The following SPRED2 variants were observed in gnomAD, a reference collection of about 807,000 sequenced individuals.
SPRED2 encodes sprouty-related, EVH1 domain-containing protein 2.
A neutral mutation model predicts 43.0 loss-of-function variants in SPRED2; 47 were observed. The observed-to-expected ratio is 1.09, with a 90% CI of 0.87 to 1.40. SPRED2 has a LOEUF of 1.40. Among genes scored for constraint, SPRED2 ranks in the 40% most tolerant of loss-of-function variants. The pLI is 0.00. For missense variants in SPRED2, 561 were observed against 586.4 expected (o/e 0.96, Z 0.45); for synonymous variants, 225 against 225.7 (o/e 1.00, Z 0.03).
chr2:65,324,421 T>C (rs1471145966), intron 4 of SPRED2, among the ~76,000 whole-genome samples: 2 of 152,096 alleles, frequency 1.3e-5, no homozygotes, highest in Non-Finnish European at 2.9e-5. Flanking sequence ...TTCCCCAAGG[T>C]CAATGCTGTC....
intron 1 of SPRED2, among the ~76,000 whole-genome samples, chr2:65,407,991 G>A (rs1676065562): frequency 6.6e-6 from 1 of 152,070 alleles, no homozygotes; most frequent in African/African-American, 2.4e-5. Flanking sequence ...TGTGTAGAGA[G>A]GCATTCCCTA....
At chr2:65,402,228 G>A (rs140339059) in intron 1 of SPRED2, among the ~76,000 whole-genome samples, 31 of 128,984 alleles carry the variant, frequency 2.4e-4, no homozygotes, top group Admixed American at 4.5e-4. Context: ...TCATTGAGCT[G>A]AGATCTGGCC....
At chr2:65,307,228 C>T (rs918174776), downstream of SPRED2, among the ~76,000 whole-genome samples, 2 of 152,078 alleles carry the variant, frequency 1.3e-5, no homozygotes, top group Admixed American at 6.6e-5. Context: ...CAGAGTCTTG[C>T]GCTGTTGCCC....
intron 5 of SPRED2, 142 bp downstream of exon 5, chr2:65,316,592 A>T: frequency 9.6e-7 from 1 of 1,039,268 alleles, no homozygotes; most frequent in Non-Finnish European, 1.4e-6. Context: ...CACCAATGCC[A>T]CTTTCAATAT....
At chr2:65,308,636 A>G, downstream of SPRED2, 1 of 861,312 alleles carries the variant, frequency 1.2e-6, no homozygotes, top group Non-Finnish European at 1.4e-6. Context: ...TGCGTATCCC[A>G]CTGTAACTAA....
intron 1 of SPRED2, among the ~76,000 whole-genome samples, chr2:65,392,400 T>C (rs1675660973): frequency 6.6e-6 from 1 of 152,102 alleles, no homozygotes; most frequent in African/African-American, 2.4e-5. Context: ...GGTCTCGAAC[T>C]CTTGGGCTCA....
chr2:65,409,641 T>G (rs1296162385), intron 1 of SPRED2, among the ~76,000 whole-genome samples: 3 of 151,004 alleles, frequency 2.0e-5, no homozygotes, highest in African/African-American at 7.3e-5. Context: ...AACAAGAATT[T>G]TGTTTCCTGG....
At chr2:65,309,278 G>A (rs1351560220), downstream of SPRED2, among the ~76,000 whole-genome samples, 1 of 151,962 alleles carries the variant, frequency 6.6e-6, no homozygotes, top group Non-Finnish European at 1.5e-5. Context: ...GAGGTGGGAG[G>A]ATCTCTTGAG....
chr2:65,412,765 A>G (rs1676191991), intron 1 of SPRED2, among the ~76,000 whole-genome samples: 1 of 152,144 alleles, frequency 6.6e-6, no homozygotes, highest in Non-Finnish European at 1.5e-5. Flanking sequence ...TTAATCAATC[A>G]ATGATCTTCA....
chr2:65,419,461 C>T (rs768661022), intron 1 of SPRED2, among the ~76,000 whole-genome samples: 1 of 152,124 alleles, frequency 6.6e-6, no homozygotes, highest in Non-Finnish European at 1.5e-5. Flanking sequence ...CAAAGAGTGC[C>T]CACACTTACG....
intron 1 of SPRED2, among the ~76,000 whole-genome samples, chr2:65,406,693 T>C (rs927646783): frequency 5.3e-5 from 8 of 152,246 alleles, no homozygotes; most frequent in Non-Finnish European, 8.8e-5. Flanking sequence ...CCCACCTTGC[T>C]GTACACAAGA....
In SPRED2 at chr2:65,313,234, A is replaced by G; in HGVS notation, c.*267T>C. ...CTTGGTTACAGATTGTTAATAGTAC[A>G]GGAGTCTGTGGCGAAGGTTCCTTCC... On this transcript the variant is annotated 3_prime_UTR_variant, in exon 6 of 6. Coordinates refer to ENST00000356388, the MANE Select transcript of SPRED2 (RefSeq NM_181784.3). The G allele has an allele frequency of 1.6e-6, 2 of 1,256,696 alleles. No individual in the cohort carries two copies. Among genetic ancestry groups the G allele is most frequent in the Non-Finnish European group, 2.0e-6 (2 of 1,000,030 alleles). 77.8% of individuals were successfully genotyped at this position (1,256,696 alleles called of 1,614,324 possible).
chr2:65,344,819 C>T lies in SPRED2; in HGVS notation c.104G>A (p.Gly35Glu). The change falls in exon 2 of 6, where the codon GGA becomes GAA. Residue 35 changes from glycine to glutamate, a missense_variant. Transcript: ENST00000356388. Reference sequence around the variant, plus strand: ...GACCCCGACGCGACTGATCCCGCCTCCTTCCTGTGGGAACCATCCCCCGCT... The same window carrying T: ...GACCCCGACGCGACTGATCCCGCCTTCTTCCTGTGGGAACCATCCCCCGCT... Reference protein sequence around the residue: ...DSSGGWFPQEGGGISRVGVCK... With the variant: ...DSSGGWFPQEEGGISRVGVCK... The T allele has an allele frequency of 1.2e-6, 2 of 1,614,152 alleles. No homozygotes were observed. Among genetic ancestry groups the T allele is most frequent in the Non-Finnish European group, 1.7e-6 (2 of 1,180,020 alleles).
intron 1 of SPRED2, among the ~76,000 whole-genome samples, chr2:65,379,316 G>A (rs1381955173): frequency 6.6e-6 from 1 of 152,162 alleles, no homozygotes; most frequent in Non-Finnish European, 1.5e-5. Context: ...TTAAGAGGCT[G>A]AGGGGTCTTA....
At chr2:65,332,209 CTCT>C (rs1418546011) in intron 3 of SPRED2, 158 bp from the exon 4 acceptor site, 2 of 498,140 alleles carry the variant, frequency 4.0e-6, no homozygotes, top group East Asian at 3.5e-5. Flanking sequence ...TTTTAATTTA[CTCT>C]TCTTTAATTG....
intron 1 of SPRED2, among the ~76,000 whole-genome samples, chr2:65,376,059 G>C (rs780227777): frequency 6.6e-6 from 1 of 152,204 alleles, no homozygotes; most frequent in Admixed American, 6.5e-5. Flanking sequence ...TGGGGTGGGA[G>C]AGGAGGCCAT....
intron 1 of SPRED2, among the ~76,000 whole-genome samples, chr2:65,431,539 C>T (rs1464829856): frequency 6.6e-6 from 1 of 152,126 alleles, no homozygotes. Flanking sequence ...GGCTCCGGAG[C>T]GGACTGCAGG....
chr2:65,311,440 G>A lies in SPRED2; in HGVS notation c.*2061C>T. 3.0e-6 allele frequency: 3 copies of A among 985,888 alleles called. No individual in the cohort carries two copies. Among genetic ancestry groups the A allele is most frequent in the Non-Finnish European group, 3.6e-6 (3 of 829,934 alleles). The allele number at this position is 985,888 out of a possible 1,614,324, so 61.1% of individuals were successfully genotyped here. ...AAATAGAGGTGACAAACAAAAAACA[G>A]CTGGGATATGTGCGTTCTTATTGAA... On this transcript the variant is annotated 3_prime_UTR_variant, in exon 6 of 6. Transcript: ENST00000356388.
At chr2:65,342,870 T>C (rs1244942827) in intron 2 of SPRED2, among the ~76,000 whole-genome samples, 1 of 152,140 alleles carries the variant, frequency 6.6e-6, no homozygotes, top group African/African-American at 2.4e-5. Flanking sequence ...CCAGCTACTC[T>C]GGAGGATGAG....
Sources: allele counts gnomAD v4.1 joint callset (sites outside exome capture counted in the v4.1 genomes callset), GRCh38; gene constraint gnomAD v4.1.1; transcripts MANE v1.5; gene names NCBI Gene and HGNC (gene_info 2026-07-23, HGNC 2026-07-21).